WIPF1: variants seen among roughly 807,000 people sequenced by gnomAD.
The protein encoded by WIPF1 is WAS/WASL-interacting protein family member 1.
WIPF1 carries 13 observed loss-of-function variants against 35.4 expected under a neutral mutation model. That is an observed-to-expected ratio of 0.37 (90% confidence interval 0.24 to 0.58). The LOEUF (loss-of-function observed/expected upper bound fraction) is 0.58, where lower values mean the gene tolerates loss of function less well. Ranked by LOEUF, WIPF1 falls within the 20% of genes least tolerant of loss-of-function variation. The pLI, the probability that WIPF1 is intolerant of heterozygous loss-of-function variation, is 0.74. For synonymous variants in WIPF1, 267 were observed against 266.3 expected (o/e 1.00, Z -0.02); for missense variants, 591 against 667.0 (o/e 0.89, Z 1.25).
Position 174,571,411 on chromosome 2 carries a change from T to G in WIPF1, c.1129+265A>C. ...GAGATGGAAGATGAAAGTTCTTGCCTCTTCTTTATTAACTAGCTCGTGACC... is the reference window on the plus strand; with the variant it reads ...GAGATGGAAGATGAAAGTTCTTGCCGCTTCTTTATTAACTAGCTCGTGACC... On this transcript the variant is annotated intron_variant, in intron 5 of 7. Transcript: ENST00000679041. This position sits in a 1 kb window ranked among gnomAD's most constrained non-coding sequence, Gnocchi z 4.6. 1.6e-6 allele frequency: 1 copy of G among 612,836 alleles called. No individual in the cohort carries two copies. Among genetic ancestry groups the G allele is most frequent in the South Asian group, 2.0e-5 (1 of 51,156 alleles). The allele number at this position is 612,836 out of a possible 1,614,324, so 38.0% of individuals were successfully genotyped here. A position where few individuals can be genotyped will look rare whatever the true frequency, so the allele number is the denominator to read the frequency against.
intron 1 of WIPF1, among the ~76,000 whole-genome samples, chr2:174,615,303 A>G (rs780958938): frequency 3.3e-5 from 5 of 152,234 alleles, no homozygotes; most frequent in Non-Finnish European, 7.3e-5. Context: ...AAGCAATTAC[A>G]TTAAAAAAAT....
At chr2:174,603,978 T>C (rs538241605) in intron 1 of WIPF1, among the ~76,000 whole-genome samples, 2 of 152,206 alleles carry the variant, frequency 1.3e-5, no homozygotes, top group Non-Finnish European at 2.9e-5. Flanking sequence ...AAGAAACATA[T>C]AAAAACATGA....
At chr2:174,674,196 G>A (rs1302999675) in intron 1 of WIPF1, among the ~76,000 whole-genome samples, 3 of 152,190 alleles carry the variant, frequency 2.0e-5, no homozygotes, top group African/African-American at 7.2e-5. Flanking sequence ...ATGAGCGCAA[G>A]GACTTTCAAC....
In WIPF1 at chr2:174,575,232, C is replaced by A; in HGVS notation, c.330G>T (p.Lys110Asn). 6.2e-7 allele frequency: 1 copy of A among 1,612,890 alleles called. No individual in the cohort carries two copies. The highest frequency in any genetic ancestry group is 1.1e-5 in the South Asian group (1 of 90,972). ...LGGLFQAGMP[K>N]LRSTANRDND... is the part of the protein sequence containing the mutation. ...TATCCCTGTTGGCCGTGGATCTCAG[C>A]TTCGGCATTCCAGCCTGGAACAATC... The change falls in exon 4 of 8, where the codon AAG becomes AAT. Residue 110 changes from lysine (K) to asparagine (N), a missense_variant. Lys to Asn is a moderately conservative substitution (Grantham distance 94, BLOSUM62 0). Transcript: ENST00000679041.
rs1684458534 is a variant in WIPF1 at position 174,560,532 on chromosome 2, A to G, written c.*2015T>C. The G allele has an allele frequency of 6.6e-6, 1 of 152,656 alleles. No homozygotes were observed. The highest frequency in any genetic ancestry group is 2.1e-4 in the South Asian group (1 of 4,836). The allele number at this position is 152,656 out of a possible 1,614,324, so 9.5% of individuals were successfully genotyped here. On this transcript the variant is annotated 3_prime_UTR_variant, in exon 8 of 8. Coordinates refer to ENST00000679041, the MANE Select transcript of WIPF1 (RefSeq NM_001375834.1). ...GTTGAAATCAGATAAAAGAATCCCA[A>G]ATAAATGATGCTGCTAAATTACCAA...
chr2:174,562,096 A>G lies in WIPF1; in HGVS notation c.*451T>C. On this transcript the variant is annotated 3_prime_UTR_variant, in exon 8 of 8. Coordinates refer to ENST00000679041, the MANE Select transcript of WIPF1 (RefSeq NM_001375834.1). ...ATCCTGTGACTGCAAGTTTCCAGTGAGCCCTTACTCAGCAGCTTGCTTAGG... is the reference window on the plus strand; with the variant it reads ...ATCCTGTGACTGCAAGTTTCCAGTGGGCCCTTACTCAGCAGCTTGCTTAGG... 1.3e-6 allele frequency: 2 copies of G among 1,550,642 alleles called. No individual in the cohort carries two copies. Among genetic ancestry groups the G allele is most frequent in the Non-Finnish European group, 1.7e-6 (2 of 1,146,984 alleles).
At chr2:174,643,560 G>C (rs965570624) in intron 1 of WIPF1, among the ~76,000 whole-genome samples, 1 of 148,440 alleles carries the variant, frequency 6.7e-6, no homozygotes, top group African/African-American at 2.6e-5. Flanking sequence ...TTACAGGCAC[G>C]CAACACCAAG....
chr2:174,665,626 C>T (rs1283863502), intron 1 of WIPF1: 3 of 143,616 alleles, frequency 2.1e-5, no homozygotes, highest in South Asian at 4.2e-4. Flanking sequence ...GGGTTGCAAC[C>T]GGCTTTTTCT....
chr2:174,560,687 A>C lies in WIPF1; in HGVS notation c.*1860T>G, dbSNP rs955710319. ...TGTATGGAAGAGAGATGAATGGTAG[A>C]GGAGAGAGGAAACACAGGTTCTCTA... On this transcript the variant is annotated 3_prime_UTR_variant, in exon 8 of 8. Transcript: ENST00000679041. 6.6e-6 allele frequency: 1 copy of C among 152,636 alleles called. No homozygotes were observed. The highest frequency in any genetic ancestry group is 1.9e-4 in the East Asian group (1 of 5,196). 9.5% of individuals were successfully genotyped at this position (152,636 alleles called of 1,614,324 possible). A position where few individuals can be genotyped will look rare whatever the true frequency, so the allele number is the denominator to read the frequency against.
At chr2:174,581,515 T>C (rs765546821) in intron 2 of WIPF1, 76 bp from the exon 3 acceptor site, 12 of 1,567,680 alleles carry the variant, frequency 7.7e-6, no homozygotes, top group South Asian at 2.4e-5. Flanking sequence ...CTGGGAAAGG[T>C]TGGGTACGGG....
intron 1 of WIPF1, among the ~76,000 whole-genome samples, chr2:174,597,092 G>T (rs925803377): frequency 6.6e-6 from 1 of 152,196 alleles, no homozygotes; most frequent in African/African-American, 2.4e-5. Context: ...TATTATAAAA[G>T]ACTCTGCTTA....
rs575913592 is a variant in WIPF1 at position 174,571,912 on chromosome 2, G to A, written c.893C>T (p.Pro298Leu). 4.3e-6 allele frequency: 7 copies of A among 1,609,254 alleles called. No homozygotes were observed. Among genetic ancestry groups the A allele is most frequent in the South Asian group, 3.3e-5 (3 of 90,308 alleles). Reference sequence around the variant, plus strand: ...GGCCTGTGAGGAGGCCGAAGGCCGCGGAGTGGAAGGCACTGGAGGCTTGTT... The same window carrying A: ...GGCCTGTGAGGAGGCCGAAGGCCGCAGAGTGGAAGGCACTGGAGGCTTGTT... ...QNNKPPVPST[P>L]RPSASSQAPP... The change falls in exon 5 of 8, where the codon CCG becomes CTG. Residue 298 changes from proline to leucine, a missense_variant. Pro to Leu is a moderately conservative substitution (Grantham distance 98, BLOSUM62 -3). Transcript: ENST00000679041. This position sits in a 1 kb window ranked among gnomAD's most constrained non-coding sequence, Gnocchi z 4.6.
At chr2:174,607,740 C>G (rs1243964619) in intron 1 of WIPF1, among the ~76,000 whole-genome samples, 9 of 152,082 alleles carry the variant, frequency 5.9e-5, no homozygotes, top group African/African-American at 2.2e-4. Context: ...CACTCATGTT[C>G]TGCAGTATTT....
Position 174,657,910 on chromosome 2 carries a change from CAAAAA to C in WIPF1, c.-39+24859_-39+24863del, listed in dbSNP as rs56717056. 4.1e-3 allele frequency among the ~76,000 whole-genome samples: 389 copies of C among 95,990 alleles called. 2 individuals carry two copies. The highest frequency in any genetic ancestry group is 0.028 in the East Asian group (82 of 2,892). The allele number at this position is 95,990 out of a possible 152,430, so 63.0% of individuals were successfully genotyped here. ...GGACAACAAGAGCGAAACTCTGTCT[CAAAAA>C]AAAAAAAAAAAAAAAAAAAGAGAGA... On this transcript the variant is annotated intron_variant, in intron 1 of 8. Coordinates refer to the WIPF1 transcript ENST00000272746.
chr2:174,566,181 T>A (rs909686262), intron 7 of WIPF1: 3 of 152,244 alleles, frequency 2.0e-5, no homozygotes, highest in African/African-American at 7.2e-5. Context: ...TGAGCCACCA[T>A]GCCCAGCTAT....
intron 7 of WIPF1, among the ~76,000 whole-genome samples, chr2:174,564,283 CA>C (rs1262663775): frequency 6.6e-6 from 1 of 152,006 alleles, no homozygotes; most frequent in Non-Finnish European, 1.5e-5. Flanking sequence ...GGCAAATCTA[CA>C]AAAAAATTTT....
rs757711719 is a variant in WIPF1 at position 174,567,152 on chromosome 2, C to G, written c.1374G>C (p.Pro458=). 6.2e-7 allele frequency: 1 copy of G among 1,614,108 alleles called. No individual in the cohort carries two copies. Among genetic ancestry groups the G allele is most frequent in the East Asian group, 2.2e-5 (1 of 44,876 alleles). ...GCTCTGGAGGTGGCAAATCGGAAAT[C>G]GGATGGAAGTAGAATCTGCTTTCCC... ...DEWESRFYFH[P]ISDLPPPEPY... The change falls in exon 7 of 8, where the codon CCG becomes CCC. Residue 458 remains proline, a synonymous_variant. Transcript: ENST00000679041.
chr2:174,597,180 T>A (rs114017371), intron 1 of WIPF1, among the ~76,000 whole-genome samples: 349 of 152,350 alleles, frequency 2.3e-3, no homozygotes, highest in Non-Finnish European at 4.0e-3. Flanking sequence ...TTCCATGGTA[T>A]TTTCGTTTGA....
At chr2:174,623,723 T>C (rs1269758590) in intron 1 of WIPF1, among the ~76,000 whole-genome samples, 1 of 152,216 alleles carries the variant, frequency 6.6e-6, no homozygotes, top group African/African-American at 2.4e-5. Flanking sequence ...AGCTCATAGA[T>C]ATTTTATTTC....
Sources: gnomAD v4.1 joint callset for allele counts (sites outside exome capture counted in the v4.1 genomes callset) on GRCh38, gnomAD v4.1.1 for gene constraint, Gnocchi (gnomAD v3.1) non-coding constraint, MANE v1.5 for transcripts, NCBI Gene and HGNC (gene_info 2026-07-23, HGNC 2026-07-21) for gene names.